The following GUCY1A2 variants were observed in gnomAD, a reference collection of about 807,000 sequenced individuals.
GUCY1A2 encodes the protein guanylate cyclase soluble subunit alpha-2.
A neutral mutation model predicts 63.5 loss-of-function variants in GUCY1A2; 27 were observed. The ratio of observed to expected loss-of-function variants is 0.43; its 90% CI spans 0.31 to 0.59. The LOEUF is 0.59. Ranked by LOEUF, GUCY1A2 falls within the 20% of genes least tolerant of loss-of-function variation. The pLI is 0.11. For synonymous variants in GUCY1A2, 364 were observed against 343.5 expected (o/e 1.06, Z -0.66); for missense variants, 768 against 913.3 (o/e 0.84, Z 2.05).
At chr11:106,955,473 T>C (rs976152996) in intron 3 of GUCY1A2, among the ~76,000 whole-genome samples, 13 of 152,194 alleles carry the variant, frequency 8.5e-5, no homozygotes, top group African/African-American at 3.1e-4. Context: ...GTGCTTCTTT[T>C]AGGAGCTCTT....
chr11:106,843,786 TTAC>T (rs1162669143), intron 4 of GUCY1A2, among the ~76,000 whole-genome samples: 5 of 151,906 alleles, frequency 3.3e-5, no homozygotes, highest in African/African-American at 7.2e-5. Context: ...CTAATTATTC[TTAC>T]TACTTTACTG....
intron 6 of GUCY1A2, among the ~76,000 whole-genome samples, chr11:106,765,564 C>T (rs1591267185): frequency 6.6e-6 from 1 of 152,238 alleles, no homozygotes; most frequent in East Asian, 1.9e-4. Flanking sequence ...GTAAAAGTCG[C>T]TGCCAGCAAG....
chr11:106,968,992 A>G (rs968978046), intron 3 of GUCY1A2, among the ~76,000 whole-genome samples: 7 of 152,192 alleles, frequency 4.6e-5, no homozygotes, highest in Non-Finnish European at 8.8e-5. Context: ...CCCATGATAC[A>G]TAAGAGTCCA....
chr11:106,952,508 T>C (rs557836314), intron 3 of GUCY1A2, among the ~76,000 whole-genome samples: 12 of 152,160 alleles, frequency 7.9e-5, no homozygotes, highest in Admixed American at 2.0e-4. Flanking sequence ...CAATTGTGAA[T>C]GGGAGTTCAT....
At chr11:106,944,978 G>A (rs1860806458) in intron 3 of GUCY1A2, among the ~76,000 whole-genome samples, 1 of 151,934 alleles carries the variant, frequency 6.6e-6, no homozygotes. Context: ...AATGTAGAAT[G>A]AGAAAAAAGA....
intron 6 of GUCY1A2, among the ~76,000 whole-genome samples, chr11:106,713,646 A>G (rs1168742108): frequency 6.6e-6 from 1 of 151,540 alleles, no homozygotes; most frequent in Non-Finnish European, 1.5e-5. Flanking sequence ...AGCTGGGACT[A>G]CAGGCGCCCG....
In GUCY1A2 at chr11:106,678,817, A is replaced by G. The variant is rs1289823545; in HGVS notation, c.*8732T>C. The G allele has an allele frequency of 5.2e-6, 1 of 193,010 alleles. No individual in the cohort carries two copies. The highest frequency in any genetic ancestry group is 6.1e-5 in the Admixed American group (1 of 16,266). 12.0% of individuals were successfully genotyped at this position (193,010 alleles called of 1,614,324 possible). A position where few individuals can be genotyped will look rare whatever the true frequency, so the allele number is the denominator to read the frequency against. ...TTTTAAAAAGTGTAATATTTTAAGT[A>G]AAATAATATTGCCAAATTTGCAAAC... On this transcript the variant is annotated 3_prime_UTR_variant, in exon 8 of 8. Transcript: ENST00000526355.
intron 4 of GUCY1A2, among the ~76,000 whole-genome samples, chr11:106,814,154 G>A (rs190419914): frequency 6.6e-6 from 1 of 152,088 alleles, no homozygotes; most frequent in Non-Finnish European, 1.5e-5. Context: ...CAGTTGAAAA[G>A]AGAGAAGTTG....
rs762944011 is a variant in GUCY1A2, at chr11:106,674,102, C to T, written c.*13447G>A. On this transcript the variant is annotated 3_prime_UTR_variant, in exon 8 of 8. Coordinates refer to ENST00000526355, the MANE Select transcript of GUCY1A2 (RefSeq NM_000855.3). The stretch of plus-strand genomic sequence containing the variant: ...TAAGGTAAATAAATGCATGACTTAA[C>T]TAGACAATTTTGTAATGAATTATGT... The T allele has an allele frequency of 5.6e-5, 10 of 178,738 alleles. No homozygotes were observed. The highest frequency in any genetic ancestry group is 1.2e-4 in the Non-Finnish European group (10 of 83,262). 11.1% of individuals were successfully genotyped at this position (178,738 alleles called of 1,614,324 possible).
intron 6 of GUCY1A2, among the ~76,000 whole-genome samples, chr11:106,734,104 G>A (rs1035549650): frequency 2.6e-5 from 4 of 152,058 alleles, no homozygotes; most frequent in Non-Finnish European, 5.9e-5. Context: ...TGATTTAATA[G>A]TATTTTATGG....
chr11:106,973,730 G>C (rs1445546843), intron 3 of GUCY1A2, among the ~76,000 whole-genome samples: 1 of 152,076 alleles, frequency 6.6e-6, no homozygotes. Flanking sequence ...TCTGACCAAA[G>C]ATATCAACAA....
chr11:106,698,138 T>TTTTTTA (rs1555020237), intron 7 of GUCY1A2, among the ~76,000 whole-genome samples: 2 of 145,868 alleles, frequency 1.4e-5, no homozygotes, highest in Non-Finnish European at 3.0e-5. Flanking sequence ...TTTTTTTTTT[T>TTTTTTA]AGACAGGGTC....
intron 6 of GUCY1A2, among the ~76,000 whole-genome samples, chr11:106,730,660 T>C (rs1418629289): frequency 2.0e-5 from 3 of 152,154 alleles, no homozygotes; most frequent in African/African-American, 7.2e-5. Context: ...TTGAATGATA[T>C]TTCTGTCTTT....
In GUCY1A2 at chr11:106,884,760, A is replaced by T. The variant is rs566591068; in HGVS notation, c.1206+54700T>A. Among the ~76,000 whole-genome samples, 20 of 152,218 alleles carry T rather than the reference A, an allele frequency of 1.3e-4. 1 individual carries two copies. The highest frequency in any genetic ancestry group is 3.6e-4 in the African/African-American group (15 of 41,558). On this transcript the variant is annotated intron_variant, in intron 4 of 7. Transcript: ENST00000526355. ...AAGAAGCTATACTTCTAGTTTTTAT[A>T]ATTTTTAACCCATTTAAAAACAAAA...
At chr11:106,992,569 A>G (rs1156528396) in intron 1 of GUCY1A2, among the ~76,000 whole-genome samples, 2 of 151,996 alleles carry the variant, frequency 1.3e-5, no homozygotes, top group Non-Finnish European at 2.9e-5. Context: ...TGACCTCGTG[A>G]TCTGCCCACC....
At chr11:106,882,670 T>G (rs1859841281) in intron 4 of GUCY1A2, among the ~76,000 whole-genome samples, 1 of 152,038 alleles carries the variant, frequency 6.6e-6, no homozygotes, top group African/African-American at 2.4e-5. Flanking sequence ...GACCCTCATT[T>G]AACAGTTATC....
At chr11:106,744,133 C>G (rs942094464) in intron 6 of GUCY1A2, among the ~76,000 whole-genome samples, 5 of 151,870 alleles carry the variant, frequency 3.3e-5, no homozygotes, top group African/African-American at 1.2e-4. Flanking sequence ...CCTATCATTC[C>G]TAATTGAAAA....
chr11:106,862,816 T>G (rs756642778), intron 4 of GUCY1A2, among the ~76,000 whole-genome samples: 2 of 152,110 alleles, frequency 1.3e-5, no homozygotes, highest in South Asian at 4.1e-4. Context: ...GATTTTCAGA[T>G]ACATTAGGAC....
intron 4 of GUCY1A2, among the ~76,000 whole-genome samples, chr11:106,931,469 AC>A (rs2119944268): frequency 6.6e-6 from 1 of 152,340 alleles, no homozygotes; most frequent in South Asian, 2.1e-4. Flanking sequence ...ACATGTACTT[AC>A]TATATGATGC....
Sources: allele counts gnomAD v4.1 joint callset (sites outside exome capture counted in the v4.1 genomes callset), GRCh38; gene constraint gnomAD v4.1.1; transcripts MANE v1.5; gene names NCBI Gene and HGNC (gene_info 2026-07-23, HGNC 2026-07-21).